Variants in CDH13 observed in about 807,000 individuals in gnomAD.
The protein encoded by CDH13 is cadherin 13, also known as cadherin-13.
CDH13 carries 24 observed loss-of-function variants against 63.8 expected under a neutral mutation model. That is an observed-to-expected ratio of 0.38 (90% CI 0.27 to 0.53). CDH13 has a LOEUF of 0.53. CDH13 is among the 20% of genes least tolerant of loss of function. The probability of loss-of-function intolerance (pLI) is 0.85; values close to 1 mark genes in which losing one functional copy is unlikely to be tolerated. For missense variants in CDH13, 1,049 were observed against 903.1 expected, an observed-to-expected ratio of 1.16 and a Z score of -2.07; for synonymous variants, 503 against 355.3, an observed-to-expected ratio of 1.42 and a Z score of -4.67.
At chr16:82,629,973 G>A (rs187636226) in intron 1 of CDH13, among the ~76,000 whole-genome samples, 153 of 152,290 alleles carry the variant, frequency 1.0e-3, no homozygotes, top group African/African-American at 3.2e-3. Flanking sequence ...CAAGAATTAG[G>A]AATTTAGGGA....
chr16:83,594,358 G>C (rs369595524), intron 7 of CDH13, among the ~76,000 whole-genome samples: 116 of 152,324 alleles, frequency 7.6e-4, no homozygotes, highest in African/African-American at 2.7e-3. Context: ...GAGGCAGTGA[G>C]AACATAAGCA....
At chr16:82,787,727 T>C (rs2036085814) in intron 1 of CDH13, among the ~76,000 whole-genome samples, 1 of 151,318 alleles carries the variant, frequency 6.6e-6, no homozygotes, top group Non-Finnish European at 1.5e-5. Flanking sequence ...AATCCCAAAT[T>C]AGGCTCATTA....
intron 8 of CDH13, among the ~76,000 whole-genome samples, chr16:83,657,588 C>T (rs1055460139): frequency 2.6e-5 from 4 of 152,158 alleles, no homozygotes; most frequent in Non-Finnish European, 2.9e-5. Context: ...TGCAGCAGAC[C>T]GCTTCTTTGC....
intron 5 of CDH13, among the ~76,000 whole-genome samples, chr16:83,230,743 T>A (rs914690086): frequency 2.0e-5 from 3 of 152,186 alleles, no homozygotes; most frequent in African/African-American, 7.2e-5. Context: ...GCCAAGATCA[T>A]GCCATTGCTC....
chr16:82,838,136 T>A (rs2038849234), intron 1 of CDH13, among the ~76,000 whole-genome samples: 1 of 152,230 alleles, frequency 6.6e-6, no homozygotes, highest in Admixed American at 6.5e-5. Flanking sequence ...GCTCTTCCCC[T>A]GAGTTCTCCA....
chr16:82,987,888 C>G (rs1911150553), intron 2 of CDH13, among the ~76,000 whole-genome samples: 1 of 152,170 alleles, frequency 6.6e-6, no homozygotes, highest in South Asian at 2.1e-4. Context: ...GGAAAGGTAA[C>G]CTGGATCTAG....
chr16:83,458,922 A>G (rs1324292504), intron 6 of CDH13, among the ~76,000 whole-genome samples: 1 of 152,254 alleles, frequency 6.6e-6, no homozygotes, highest in Non-Finnish European at 1.5e-5. Context: ...TATTGTCAAG[A>G]GAAGGGTATA....
At chr16:83,699,900 T>C (rs1414293317) in intron 10 of CDH13, among the ~76,000 whole-genome samples, 2 of 152,154 alleles carry the variant, frequency 1.3e-5, no homozygotes, top group Non-Finnish European at 2.9e-5. Context: ...TTTCTCCCTC[T>C]CCTCTGCACT....
At chr16:83,310,041 A>G (rs1351171078) in intron 5 of CDH13, among the ~76,000 whole-genome samples, 2 of 152,228 alleles carry the variant, frequency 1.3e-5, no homozygotes, top group Non-Finnish European at 2.9e-5. Flanking sequence ...TGCATATATT[A>G]ATTAATAATT....
chr16:83,139,660 G>A (rs556263447), intron 4 of CDH13, among the ~76,000 whole-genome samples: 2 of 151,920 alleles, frequency 1.3e-5, no homozygotes, highest in Non-Finnish European at 2.9e-5. Flanking sequence ...AGAGTAATAT[G>A]TGTTTATTGT....
intron 6 of CDH13, among the ~76,000 whole-genome samples, chr16:83,417,553 G>T (rs960692158): frequency 6.6e-6 from 1 of 152,118 alleles, no homozygotes; most frequent in African/African-American, 2.4e-5. Context: ...ATTTGGAAAC[G>T]AAAATAGAAT....
chr16:83,533,411 C>T (rs2075122945), intron 7 of CDH13, among the ~76,000 whole-genome samples: 1 of 152,072 alleles, frequency 6.6e-6, no homozygotes, highest in African/African-American at 2.4e-5. Context: ...ACACTCTTCA[C>T]CTCCTCCTCT....
At chr16:83,027,102 A>ACCCCCC (rs79185242) in intron 2 of CDH13, among the ~76,000 whole-genome samples, 18 of 100,898 alleles carry the variant, frequency 1.8e-4, no homozygotes, top group Non-Finnish European at 2.3e-4. Context: ...CAGAAGGGAG[A>ACCCCCC]CCCCCCCCCC....
intron 3 of CDH13, among the ~76,000 whole-genome samples, chr16:83,110,399 G>C (rs2034999716): frequency 6.6e-6 from 1 of 152,224 alleles, no homozygotes. Flanking sequence ...CACAACCAAG[G>C]AGGATTTAAC....
chr16:83,206,371 C>G (rs1313351975), intron 4 of CDH13, among the ~76,000 whole-genome samples: 39 of 152,160 alleles, frequency 2.6e-4, no homozygotes, highest in African/African-American at 7.2e-5. Flanking sequence ...TCTCATGTCC[C>G]CAGGCCAAGG....
intron 7 of CDH13, among the ~76,000 whole-genome samples, chr16:83,584,477 G>C (rs1176206325): frequency 1.3e-5 from 2 of 152,136 alleles, no homozygotes; most frequent in Non-Finnish European, 2.9e-5. Context: ...TTTCTACCCT[G>C]GAAATTTTAG....
intron 5 of CDH13, among the ~76,000 whole-genome samples, chr16:83,273,506 G>T (rs969290939): frequency 4.6e-5 from 7 of 152,098 alleles, no homozygotes; most frequent in African/African-American, 1.7e-4. Context: ...TAAAGAAAAT[G>T]TGGTACATAC....
intron 4 of CDH13, among the ~76,000 whole-genome samples, chr16:83,155,225 G>A (rs1311005853): frequency 6.6e-6 from 1 of 152,194 alleles, no homozygotes; most frequent in Admixed American, 6.5e-5. Flanking sequence ...AAGGACAGAG[G>A]GGAGAGACAT....
At chr16:83,512,561 A>G (rs1567726256) in intron 7 of CDH13, among the ~76,000 whole-genome samples, 1 of 150,750 alleles carries the variant, frequency 6.6e-6, no homozygotes. Flanking sequence ...CCAGCTGCTC[A>G]GGAGGCTGAC....
Sources: gnomAD v4.1 joint callset for allele counts (sites outside exome capture counted in the v4.1 genomes callset) on GRCh38, gnomAD v4.1.1 for gene constraint, MANE v1.5 for transcripts, NCBI Gene and HGNC (gene_info 2026-07-23, HGNC 2026-07-21) for gene names.